SLC25A13: variants seen among roughly 807,000 people sequenced by gnomAD.
SLC25A13 encodes the protein electrogenic aspartate/glutamate antiporter SLC25A13, mitochondrial.
A neutral mutation model predicts 85.5 loss-of-function variants in SLC25A13; 70 were observed. That is an observed-to-expected ratio of 0.82 (90% CI 0.68 to 1.00). The LOEUF is 1.00. Among genes scored for constraint, SLC25A13 ranks in the 50% least tolerant of loss-of-function variants. SLC25A13 has a pLI of 0.00. For missense variants in SLC25A13, 765 were observed against 819.8 expected (o/e 0.93, Z 0.82); for synonymous variants, 259 against 288.7 (o/e 0.90, Z 1.04).
intron 4 of SLC25A13, among the ~76,000 whole-genome samples, chr7:96,211,693 T>G (rs957261679): frequency 6.6e-6 from 1 of 152,048 alleles, no homozygotes; most frequent in African/African-American, 2.4e-5. Context: ...CCAGAAAAGG[T>G]TTACAACAGA....
At chr7:96,246,704 C>A (rs145486585) in intron 3 of SLC25A13, among the ~76,000 whole-genome samples, 73 of 152,206 alleles carry the variant, frequency 4.8e-4, no homozygotes, top group African/African-American at 1.7e-3. Context: ...CACACAAAAC[C>A]TCTCTTGATG....
At chr7:96,275,790 G>A (rs962071905) in intron 3 of SLC25A13, among the ~76,000 whole-genome samples, 3 of 152,080 alleles carry the variant, frequency 2.0e-5, no homozygotes, top group Admixed American at 6.6e-5. Context: ...AATGTTAAAC[G>A]ACGAGTTGAC....
chr7:96,129,410 G>A (rs901328928), intron 15 of SLC25A13, among the ~76,000 whole-genome samples: 3 of 151,848 alleles, frequency 2.0e-5, no homozygotes, highest in African/African-American at 4.8e-5. Flanking sequence ...GTCAATGACC[G>A]AAAAACAACC....
chr7:96,164,018 T>C (rs1793634755), intron 13 of SLC25A13, among the ~76,000 whole-genome samples: 1 of 152,196 alleles, frequency 6.6e-6, no homozygotes, highest in Non-Finnish European at 1.5e-5. Flanking sequence ...TTTCCCACAA[T>C]CAGGCAAGGT....
intron 3 of SLC25A13, among the ~76,000 whole-genome samples, chr7:96,261,944 C>T (rs527249884): frequency 3.3e-5 from 5 of 152,176 alleles, no homozygotes; most frequent in African/African-American, 4.8e-5. Context: ...AAAGAACCCA[C>T]TCCCACATAC....
chr7:96,178,594 T>A (rs1285231378), intron 11 of SLC25A13, among the ~76,000 whole-genome samples: 2 of 152,190 alleles, frequency 1.3e-5, no homozygotes, highest in Non-Finnish European at 2.9e-5. Flanking sequence ...CTTACCCTTC[T>A]GACCTCACTA....
chr7:96,198,053 C>T (rs1049014936), intron 5 of SLC25A13, among the ~76,000 whole-genome samples: 8 of 152,154 alleles, frequency 5.3e-5, no homozygotes, highest in African/African-American at 1.7e-4. Flanking sequence ...CTGAGGAACA[C>T]ATGTCAAGAA....
intron 4 of SLC25A13, among the ~76,000 whole-genome samples, chr7:96,220,866 C>A (rs1160018546): frequency 6.6e-6 from 1 of 152,150 alleles, no homozygotes; most frequent in Admixed American, 6.5e-5. Context: ...CCCTGACAGG[C>A]TTCTAAGGAA....
intron 3 of SLC25A13, among the ~76,000 whole-genome samples, chr7:96,257,919 T>G (rs1285958577): frequency 1.3e-5 from 2 of 152,102 alleles, no homozygotes; most frequent in African/African-American, 2.4e-5. Flanking sequence ...ACATACGTGA[T>G]AATCAATAAA....
intron 14 of SLC25A13, among the ~76,000 whole-genome samples, chr7:96,137,903 G>A (rs1792352369): frequency 6.6e-6 from 1 of 152,198 alleles, no homozygotes; most frequent in Non-Finnish European, 1.5e-5. Context: ...TCTGGGGGCT[G>A]CCTGATTCAC....
rs1453997735 is a variant in SLC25A13 at position 96,290,224 on chromosome 7, C to T, written c.69+6674G>A. On this transcript the variant is annotated intron_variant, in intron 2 of 17. Transcript: ENST00000265631. ...AAAATACTTTACAGACAAGCAAATG[C>T]TGAGAGATTTTGTCAACACCAGGCC... Among the ~76,000 whole-genome samples, 17 of 152,262 alleles carry T rather than the reference C, an allele frequency of 1.1e-4. 1 individual carries two copies. The highest frequency in any genetic ancestry group is 7.8e-4 in the Admixed American group (12 of 15,290).
chr7:96,308,813 G>T (rs1258142572), intron 1 of SLC25A13, among the ~76,000 whole-genome samples: 1 of 152,106 alleles, frequency 6.6e-6, no homozygotes, highest in African/African-American at 2.4e-5. Context: ...AGGACAAAGG[G>T]GCAATGTTCT....
chr7:96,292,757 T>G (rs906061829), intron 2 of SLC25A13, among the ~76,000 whole-genome samples: 2 of 152,050 alleles, frequency 1.3e-5, no homozygotes, highest in African/African-American at 4.8e-5. Flanking sequence ...GAACTGCAAA[T>G]CACTGCTCAA....
chr7:96,123,608 T>G (rs1562776206), intron 15 of SLC25A13, among the ~76,000 whole-genome samples: 1 of 152,178 alleles, frequency 6.6e-6, no homozygotes, highest in Admixed American at 6.5e-5. Context: ...AATGCTAGAA[T>G]ATGGCAACTT....
At chr7:96,153,597 A>AAAT in intron 13 of SLC25A13, among the ~76,000 whole-genome samples, 1 of 152,340 alleles carries the variant, frequency 6.6e-6, no homozygotes, top group South Asian at 2.1e-4. Flanking sequence ...GTTCTCTATT[A>AAAT]AGAGTCACTG....
At chr7:96,253,604 A>C (rs972222840) in intron 3 of SLC25A13, among the ~76,000 whole-genome samples, 1 of 152,230 alleles carries the variant, frequency 6.6e-6, no homozygotes, top group Non-Finnish European at 1.5e-5. Flanking sequence ...TCAGGACAGC[A>C]GTTAGCAGGA....
At chr7:96,277,111 C>T in intron 3 of SLC25A13, 85 bp downstream of exon 3, 4 of 1,354,842 alleles carry the variant, frequency 3.0e-6, no homozygotes, top group Non-Finnish European at 3.0e-6. Context: ...GGAAGGTATA[C>T]ATTTAATGAC....
At chr7:96,194,532 T>C (rs996798067) in intron 5 of SLC25A13, among the ~76,000 whole-genome samples, 16 of 150,330 alleles carry the variant, frequency 1.1e-4, no homozygotes, top group Non-Finnish European at 1.6e-4. Context: ...TTTTAGACGA[T>C]ATTAAGAAAT....
intron 2 of SLC25A13, among the ~76,000 whole-genome samples, chr7:96,293,495 C>T (rs535576866): frequency 1.1e-3 from 162 of 152,198 alleles, no homozygotes; most frequent in Non-Finnish European, 2.1e-3. Context: ...AACAGGCAAC[C>T]TACAGAATGG....
Sources: gnomAD v4.1 joint callset for allele counts (sites outside exome capture counted in the v4.1 genomes callset) on GRCh38, gnomAD v4.1.1 for gene constraint, MANE v1.5 for transcripts, NCBI Gene and HGNC (gene_info 2026-07-23, HGNC 2026-07-21) for gene names.